The following CSTF3 variants were observed in gnomAD, a reference collection of about 807,000 sequenced individuals.
CSTF3 encodes the protein CF-1 77 kDa subunit.
CSTF3 carries 29 observed loss-of-function variants against 105.8 expected under a neutral mutation model. That is an observed-to-expected ratio of 0.27 (90% confidence interval 0.20 to 0.37). The LOEUF (loss-of-function observed/expected upper bound fraction) is 0.37. Ranked by LOEUF, CSTF3 falls within the 10% of genes least tolerant of loss-of-function variation. The pLI is 1.00. For synonymous variants in CSTF3, 252 were observed against 281.9 expected, an observed-to-expected ratio of 0.89 and a Z score of 1.06; for missense variants, 357 against 879.3, an observed-to-expected ratio of 0.41 and a Z score of 7.51.
rs1209478500 is a variant in CSTF3 at position 33,085,709 on chromosome 11, T to G, written c.1951+4A>C. Reference sequence around the variant, plus strand: ...CACTCTGAAATGGAGCTTCTGTTACTTACTATTTGGTATCTTGCATCTTCG... The same window carrying G: ...CACTCTGAAATGGAGCTTCTGTTACGTACTATTTGGTATCTTGCATCTTCG... On this transcript the variant is annotated splice_donor_region_variant and intron_variant, in intron 20 of 20. Transcript: ENST00000323959. 6.2e-7 allele frequency: 1 copy of G among 1,607,466 alleles called. No homozygotes were observed. The highest frequency in any genetic ancestry group is 1.3e-5 in the African/African-American group (1 of 74,776).
intron 3 of CSTF3, among the ~76,000 whole-genome samples, chr11:33,114,867 A>G (rs1308571040): frequency 6.6e-6 from 1 of 152,090 alleles, no homozygotes; most frequent in Admixed American, 6.5e-5. Flanking sequence ...AAATTGATAA[A>G]TAAATTAACC....
intron 3 of CSTF3, among the ~76,000 whole-genome samples, chr11:33,130,606 A>G (rs1855588669): frequency 6.6e-6 from 1 of 152,198 alleles, no homozygotes; most frequent in South Asian, 2.1e-4. Context: ...AGGCTAATAC[A>G]CTCTACCTAA....
intron 3 of CSTF3, among the ~76,000 whole-genome samples, chr11:33,111,848 G>A (rs1012192504): frequency 2.0e-5 from 3 of 152,140 alleles, no homozygotes; most frequent in Non-Finnish European, 2.9e-5. Context: ...ATTCATTAAT[G>A]CAACCAGTAA....
At chr11:33,111,362 A>G (rs1017805269) in intron 3 of CSTF3, among the ~76,000 whole-genome samples, 1 of 152,268 alleles carries the variant, frequency 6.6e-6, no homozygotes, top group African/African-American at 2.4e-5. Flanking sequence ...ATTATGATGC[A>G]TTCGCATCAT....
At position 33,105,610 on chromosome 11, in the gene CSTF3, A is replaced by G; in HGVS notation, c.542T>C (p.Ile181Thr). 1 of 1,613,794 alleles carries G rather than the reference A, an allele frequency of 6.2e-7. No homozygotes were observed. The highest frequency in any genetic ancestry group is 8.5e-7 in the Non-Finnish European group (1 of 1,179,780). Reference protein sequence around the residue: ...VYQRGCVNPMINIEQLWRDYN... With the variant: ...VYQRGCVNPMTNIEQLWRDYN... ...GTCTCTCCAGAGCTGTTCAATGTTG[A>G]TCATCGGATTAACACAACCTCGTTG... is the stretch of plus-strand genomic sequence containing the variant. The change falls in exon 8 of 21, where the codon ATC (isoleucine) becomes ACC (threonine). Residue 181 changes from isoleucine (I) to threonine (T), a missense_variant. By Grantham distance (89) the Ile-to-Thr change is moderately conservative (BLOSUM62 -1). Coordinates refer to ENST00000323959, the MANE Select transcript of CSTF3 (RefSeq NM_001326.3).
intron 3 of CSTF3, among the ~76,000 whole-genome samples, chr11:33,119,921 A>T (rs1439894686): frequency 6.6e-6 from 1 of 151,738 alleles, no homozygotes; most frequent in Non-Finnish European, 1.5e-5. Flanking sequence ...TTGTATATTT[A>T]TTCAACCCTG....
At chr11:33,160,397 C>T (rs1849924907) in intron 1 of CSTF3, among the ~76,000 whole-genome samples, 1 of 152,168 alleles carries the variant, frequency 6.6e-6, no homozygotes, top group African/African-American at 2.4e-5. Flanking sequence ...CATGTCGTTG[C>T]TATGGCAATG....
At chr11:33,097,633 C>G (rs1855238005) in intron 13 of CSTF3, among the ~76,000 whole-genome samples, 1 of 152,212 alleles carries the variant, frequency 6.6e-6, no homozygotes, top group South Asian at 2.1e-4. Context: ...TCCCAAAGTG[C>G]TGGGATTACA....
intron 3 of CSTF3, among the ~76,000 whole-genome samples, chr11:33,114,786 G>T (rs573274044): frequency 6.6e-6 from 1 of 152,046 alleles, no homozygotes; most frequent in African/African-American, 2.4e-5. Flanking sequence ...GGGAGGTGGA[G>T]GATGCAGTGA....
intron 3 of CSTF3, among the ~76,000 whole-genome samples, chr11:33,130,451 C>A (rs897825177): frequency 1.3e-5 from 2 of 152,072 alleles, no homozygotes; most frequent in Non-Finnish European, 2.9e-5. Flanking sequence ...CCAGCCTGGG[C>A]AAGAGTGAGA....
At chr11:33,115,054 T>C (rs1012593131) in intron 3 of CSTF3, among the ~76,000 whole-genome samples, 6 of 152,182 alleles carry the variant, frequency 3.9e-5, no homozygotes, top group Non-Finnish European at 8.8e-5. Context: ...TAAAGTGAGT[T>C]CTTATGGTAG....
At chr11:33,085,362 C>CTTTATAG (rs3834432) in intron 20 of CSTF3, 73 bp from the exon 21 acceptor site, 793,098 of 1,205,242 alleles carry the variant, frequency 0.66, 266,280 homozygotes, top group Non-Finnish European at 0.68. Context: ...ACTGTGGATA[C>CTTTATAG]TTTATTTCAT....
intron 1 of CSTF3, among the ~76,000 whole-genome samples, chr11:33,159,699 G>A (rs1849913705): frequency 6.6e-6 from 1 of 151,962 alleles, no homozygotes; most frequent in South Asian, 2.1e-4. Context: ...CAGAGCGCAG[G>A]GAGGTCGAAG....
At chr11:33,096,145 A>C (rs1855221147) in intron 15 of CSTF3, among the ~76,000 whole-genome samples, 161 bp downstream of exon 15, 1 of 152,204 alleles carries the variant, frequency 6.6e-6, no homozygotes, top group Admixed American at 6.5e-5. Context: ...TGCTCAGTAA[A>C]TATATTCATG....
At chr11:33,100,778 A>T (rs1333908273) in intron 10 of CSTF3, among the ~76,000 whole-genome samples, 1 of 152,172 alleles carries the variant, frequency 6.6e-6, no homozygotes, top group Non-Finnish European at 1.5e-5. Context: ...AGAGGCAAAT[A>T]AGTGAAGTGG....
At chr11:33,111,751 G>A (rs1855381290) in intron 3 of CSTF3, among the ~76,000 whole-genome samples, 1 of 152,076 alleles carries the variant, frequency 6.6e-6, no homozygotes, top group South Asian at 2.1e-4. Context: ...TGGTAAATTG[G>A]TATTAGCCCA....
chr11:33,117,206 A>G (rs1287763639), intron 3 of CSTF3, among the ~76,000 whole-genome samples: 3 of 152,020 alleles, frequency 2.0e-5, no homozygotes, highest in Non-Finnish European at 4.4e-5. Flanking sequence ...TCATTTCTCC[A>G]AACTATCCAT....
intron 1 of CSTF3, among the ~76,000 whole-genome samples, chr11:33,159,453 G>A (rs931866773): frequency 5.3e-5 from 8 of 151,432 alleles, no homozygotes; most frequent in African/African-American, 1.5e-4. Flanking sequence ...AAAAATTAGC[G>A]GGGCATGGTG....
At chr11:33,089,431 A>G (rs1291067396) in intron 17 of CSTF3, among the ~76,000 whole-genome samples, 2 of 152,194 alleles carry the variant, frequency 1.3e-5, no homozygotes, top group Non-Finnish European at 2.9e-5. Context: ...TAAACACAAA[A>G]AAGTTATTTG....
Sources: gnomAD v4.1 joint callset for allele counts (sites outside exome capture counted in the v4.1 genomes callset) on GRCh38, gnomAD v4.1.1 for gene constraint, MANE v1.5 for transcripts, NCBI Gene and HGNC (gene_info 2026-07-23, HGNC 2026-07-21) for gene names.